ABL1: variants seen among roughly 807,000 people sequenced by gnomAD.
ABL1 encodes tyrosine-protein kinase ABL1.
A neutral mutation model predicts 94.7 loss-of-function variants in ABL1; 11 were observed. That is an observed-to-expected ratio of 0.12 (90% CI 0.07 to 0.19). ABL1 has a LOEUF of 0.19. ABL1 is among the 10% of genes least tolerant of loss of function. The pLI is 1.00. For missense variants in ABL1, 1,082 were observed against 1,489.4 expected, an observed-to-expected ratio of 0.73 and a Z score of 4.50; for synonymous variants, 656 against 622.4, an observed-to-expected ratio of 1.05 and a Z score of -0.80.
chr9:130,746,930 C>T (rs575932821), intron 1 of ABL1, among the ~76,000 whole-genome samples: 1 of 152,244 alleles, frequency 6.6e-6, no homozygotes, highest in Admixed American at 6.5e-5. Context: ...GACAGCAGGG[C>T]CTTGCTTCCT....
intron 1 of ABL1, among the ~76,000 whole-genome samples, chr9:130,796,759 C>T (rs1219528267): frequency 1.4e-5 from 2 of 142,568 alleles, no homozygotes; most frequent in Non-Finnish European, 1.5e-5. Flanking sequence ...CTTTCTCTGC[C>T]TTTTGTTAAA....
intron 1 of ABL1, among the ~76,000 whole-genome samples, chr9:130,802,843 GGTTTT>G (rs1218765787): frequency 6.6e-6 from 1 of 152,072 alleles, no homozygotes; most frequent in Non-Finnish European, 1.5e-5. Context: ...ATACTTGTTT[GGTTTT>G]ATCAGGTGGT....
At chr9:130,830,479 C>T (rs1344542654), upstream of ABL1, among the ~76,000 whole-genome samples, 3 of 152,208 alleles carry the variant, frequency 2.0e-5, no homozygotes, top group Non-Finnish European at 2.9e-5. Context: ...CTCTCTGTTA[C>T]ATTTGAACCT....
chr9:130,884,425 G>T lies in ABL1; in HGVS notation c.2135G>T (p.Arg712Leu), dbSNP rs766513552. The T allele has an allele frequency of 1.9e-6, 3 of 1,612,086 alleles. No individual in the cohort carries two copies. The South Asian group carries it at 3.3e-5, about 18-fold the overall frequency. ...GAGGGCGGTGGCAGCTCCAGCAAGC[G>T]CTTCCTGCGCTCTTGCTCCGCCTCC... Reference protein sequence around the residue: ...EEEGGGSSSKRFLRSCSASCV... With the variant: ...EEEGGGSSSKLFLRSCSASCV... The change falls in exon 11 of 11, where the codon CGC becomes CTC. Residue 712 changes from arginine (R) to leucine (L), a missense_variant. By Grantham distance (102) the Arg-to-Leu change is moderately radical. Around this residue, in one of 7 missense-constraint regions of ABL1, gnomAD observed 780 missense variants for 835.8 expected, o/e 0.93. Transcript: ENST00000318560. The surrounding 1 kb of genome is among the most constrained non-coding windows in gnomAD (Gnocchi z 5.6).
intron 4 of ABL1, among the ~76,000 whole-genome samples, chr9:130,866,556 C>T (rs1327383706): frequency 6.6e-6 from 1 of 152,082 alleles, no homozygotes; most frequent in Admixed American, 6.6e-5. Flanking sequence ...CCTCTTTTGC[C>T]AGCAGGGGGA....
chr9:130,717,470 G>A (rs1057340138), intron 1 of ABL1, among the ~76,000 whole-genome samples: 6 of 151,990 alleles, frequency 3.9e-5, no homozygotes, highest in South Asian at 2.1e-4. Flanking sequence ...TTGGGAGGCC[G>A]AGGCAGGTGG....
Position 130,814,697 on chromosome 9 carries a change from GA to G in ABL1, c.137-39364del, listed in dbSNP as rs370449781. Among the ~76,000 whole-genome samples, 127 of 152,152 alleles carry G rather than the reference GA, an allele frequency of 8.3e-4. 1 individual carries two copies. The highest frequency in any genetic ancestry group is 2.7e-3 in the African/African-American group (112 of 41,510). ...CCGAGACCATCCTTGCTAACACGGT[GA>G]AACCCCGTCTCCACTAAAAATACAA... On this transcript the variant is annotated intron_variant, in intron 1 of 10. Transcript: ENST00000372348. This position sits in a 1 kb window ranked among gnomAD's most constrained non-coding sequence, Gnocchi z 4.4.
intron 1 of ABL1, among the ~76,000 whole-genome samples, chr9:130,728,796 C>T (rs1328566482): frequency 6.6e-6 from 1 of 151,808 alleles, no homozygotes; most frequent in Non-Finnish European, 1.5e-5. Flanking sequence ...TAATAAAGAC[C>T]GTGCCTGCTA....
chr9:130,801,822 T>C (rs1029153821), intron 1 of ABL1, among the ~76,000 whole-genome samples: 1 of 152,180 alleles, frequency 6.6e-6, no homozygotes, highest in African/African-American at 2.4e-5. Flanking sequence ...GCCCTTTCTC[T>C]CTCACTGCTT....
intron 1 of ABL1, among the ~76,000 whole-genome samples, chr9:130,745,331 GCC>G (rs1831875046): frequency 6.6e-6 from 1 of 152,104 alleles, no homozygotes; most frequent in Non-Finnish European, 1.5e-5. Flanking sequence ...TGATCTGCCT[GCC>G]TTAGCCTCCC....
At chr9:130,797,099 G>A (rs1011768884) in intron 1 of ABL1, among the ~76,000 whole-genome samples, 10 of 149,086 alleles carry the variant, frequency 6.7e-5, no homozygotes, top group East Asian at 6.0e-4. Context: ...AGCCAGGCAC[G>A]GTGGCAAGCG....
chr9:130,856,644 T>C (rs993604517), intron 3 of ABL1, among the ~76,000 whole-genome samples: 6 of 152,368 alleles, frequency 3.9e-5, no homozygotes, highest in East Asian at 1.9e-4. Flanking sequence ...CAAGCACTGG[T>C]ACTAGTTCCT....
At chr9:130,733,823 T>C (rs1831699311) in intron 1 of ABL1, among the ~76,000 whole-genome samples, 1 of 151,760 alleles carries the variant, frequency 6.6e-6, no homozygotes, top group African/African-American at 2.4e-5. Context: ...ATCTCCTGAC[T>C]TTGTGATCCG....
At chr9:130,784,975 C>G (rs1440238899) in intron 1 of ABL1, among the ~76,000 whole-genome samples, 1 of 152,246 alleles carries the variant, frequency 6.6e-6, no homozygotes, top group African/African-American at 2.4e-5. Context: ...GCAAAAGCCC[C>G]AGTGCCTTCC....
At chr9:130,746,161 T>A (rs1269792927) in intron 1 of ABL1, among the ~76,000 whole-genome samples, 1 of 151,938 alleles carries the variant, frequency 6.6e-6, no homozygotes, top group Non-Finnish European at 1.5e-5. Context: ...TTCCAAGGTC[T>A]TCTGGTCAGG....
In ABL1 at chr9:130,885,917, C is replaced by A. The variant is rs373693584; in HGVS notation, c.*234C>A. ...CTCCGTCTCTGTCCTCGAATTTTAT[C>A]TGTGGAGTTCCTGCTCCGTGGACTG... On this transcript the variant is annotated 3_prime_UTR_variant, in exon 11 of 11. Coordinates refer to ENST00000318560, the MANE Select transcript of ABL1 (RefSeq NM_005157.6). 3.0e-5 allele frequency: 17 copies of A among 568,122 alleles called. No homozygotes were observed. The African/African-American group carries it at 3.0e-4, about 10-fold the overall frequency. 35.2% of individuals were successfully genotyped at this position (568,122 alleles called of 1,614,324 possible).
At chr9:130,788,260 A>G (rs574584358) in intron 1 of ABL1, among the ~76,000 whole-genome samples, 1 of 152,224 alleles carries the variant, frequency 6.6e-6, no homozygotes, top group African/African-American at 2.4e-5. Context: ...GAGAATTCCT[A>G]CATGTCCTTT....
intron 1 of ABL1, among the ~76,000 whole-genome samples, chr9:130,719,659 C>G (rs182951352): frequency 9.2e-5 from 14 of 152,308 alleles, no homozygotes; most frequent in Admixed American, 8.5e-4. Context: ...TCTTTGGACC[C>G]TGGGTATTCT....
chr9:130,797,064 T>C (rs1288976353), intron 1 of ABL1, among the ~76,000 whole-genome samples: 4 of 150,704 alleles, frequency 2.7e-5, no homozygotes, highest in Non-Finnish European at 5.9e-5. Flanking sequence ...GGTGAAACCT[T>C]GTCTCTACTA....
Sources: gnomAD v4.1 joint callset for allele counts (sites outside exome capture counted in the v4.1 genomes callset) on GRCh38, gnomAD v4.1.1 for gene constraint, gnomAD v4.1.1 regional missense constraint, Gnocchi (gnomAD v3.1) non-coding constraint, MANE v1.5 for transcripts, NCBI Gene and HGNC (gene_info 2026-07-23, HGNC 2026-07-21) for gene names.